Variants in IL12RB2 observed in about 807,000 individuals in gnomAD.
IL12RB2 encodes interleukin-12 receptor subunit beta-2.
In IL12RB2, 82 loss-of-function variants were observed where a neutral mutation model predicts 89.4. The observed-to-expected ratio is 0.92, with a 90% CI of 0.77 to 1.10. IL12RB2 has a LOEUF of 1.10. Among genes scored for constraint, IL12RB2 ranks in the 50% least tolerant of loss-of-function variants. The pLI, the probability that IL12RB2 is intolerant of heterozygous loss-of-function variation, is 0.00. For missense variants in IL12RB2, 963 were observed against 1,031.9 expected (o/e 0.93, Z 0.92); for synonymous variants, 368 against 370.1 (o/e 0.99, Z 0.07).
chr1:67,340,697 G>C (rs1469716649), intron 9 of IL12RB2, among the ~76,000 whole-genome samples: 1 of 152,222 alleles, frequency 6.6e-6, no homozygotes, highest in African/African-American at 2.4e-5. Context: ...AACAAACAGA[G>C]TTTATAGTGG....
intron 4 of IL12RB2, among the ~76,000 whole-genome samples, chr1:67,324,276 G>A (rs953293981): frequency 1.3e-5 from 2 of 152,218 alleles, no homozygotes; most frequent in Admixed American, 6.5e-5. Context: ...AAGCTGGAGT[G>A]CGGTGGCGCA....
At chr1:67,379,627 A>C (rs1664368130) in intron 13 of IL12RB2, among the ~76,000 whole-genome samples, 1 of 152,004 alleles carries the variant, frequency 6.6e-6, no homozygotes, top group African/African-American at 2.4e-5. Flanking sequence ...TCATCATTGG[A>C]AATAAAGGGA....
chr1:67,384,898 C>T (rs192286950), intron 14 of IL12RB2, among the ~76,000 whole-genome samples: 308 of 152,340 alleles, frequency 2.0e-3, no homozygotes, highest in African/African-American at 7.1e-3. Context: ...TGGTCAAAGT[C>T]ACTCGACAAG....
intron 16 of IL12RB2, among the ~76,000 whole-genome samples, chr1:67,392,142 C>T (rs1665901503): frequency 6.6e-6 from 1 of 152,072 alleles, no homozygotes; most frequent in Non-Finnish European, 1.5e-5. Flanking sequence ...CAGTCTACAC[C>T]TCTGAGCTGA....
intron 10 of IL12RB2, among the ~76,000 whole-genome samples, chr1:67,362,972 G>A (rs921692031): frequency 2.0e-5 from 3 of 150,936 alleles, no homozygotes; most frequent in South Asian, 2.1e-4. Flanking sequence ...GCATGATCTC[G>A]GCTCACTGCA....
chr1:67,331,703 G>A (rs17129800), intron 8 of IL12RB2, among the ~76,000 whole-genome samples: 7,271 of 152,120 alleles, frequency 0.048, 601 homozygotes, highest in African/African-American at 0.17. Flanking sequence ...GCCAAGCATC[G>A]TGGTGCGTGC....
At chr1:67,387,134 T>C (rs901483919) in intron 15 of IL12RB2, among the ~76,000 whole-genome samples, 6 of 151,092 alleles carry the variant, frequency 4.0e-5, no homozygotes, top group Non-Finnish European at 7.4e-5. Flanking sequence ...TTCATCATGT[T>C]GGCCAGACTG....
chr1:67,387,712 A>C (rs1387016845), intron 15 of IL12RB2, among the ~76,000 whole-genome samples: 1 of 151,672 alleles, frequency 6.6e-6, no homozygotes, highest in African/African-American at 2.4e-5. Context: ...AAAAAAAAAA[A>C]AAAAAGAAAG....
chr1:67,330,943 C>T, intron 8 of IL12RB2, 133 bp downstream of exon 8: 1 of 710,986 alleles, frequency 1.4e-6, no homozygotes, highest in Non-Finnish European at 2.5e-6. Flanking sequence ...CATTAGTTAA[C>T]AAGTTAATTT....
intron 10 of IL12RB2, among the ~76,000 whole-genome samples, chr1:67,367,431 AAAAG>A (rs946960060): frequency 4.9e-5 from 7 of 141,822 alleles, no homozygotes; most frequent in East Asian, 2.2e-4. Context: ...AAGAAAAAGA[AAAAG>A]AAAGAAGGAA....
At chr1:67,341,444 A>G (rs1249133221) in intron 9 of IL12RB2, among the ~76,000 whole-genome samples, 1 of 151,102 alleles carries the variant, frequency 6.6e-6, no homozygotes, top group African/African-American at 2.4e-5. Context: ...GGAAGGAAGG[A>G]TGGAAGAGAG....
chr1:67,323,058 A>G (rs1330586805), intron 4 of IL12RB2, among the ~76,000 whole-genome samples: 1 of 152,196 alleles, frequency 6.6e-6, no homozygotes, highest in Non-Finnish European at 1.5e-5. Flanking sequence ...CATAGACATC[A>G]TCTCTGTCAT....
intron 8 of IL12RB2, among the ~76,000 whole-genome samples, chr1:67,332,364 C>T (rs1366995230): frequency 1.3e-5 from 2 of 151,998 alleles, no homozygotes; most frequent in African/African-American, 4.8e-5. Context: ...TACATGCATG[C>T]GCCACCATGC....
At chr1:67,318,414 G>T (rs1656063203) in intron 2 of IL12RB2, among the ~76,000 whole-genome samples, 3 of 152,172 alleles carry the variant, frequency 2.0e-5, no homozygotes, top group African/African-American at 7.2e-5. Context: ...CTTAGAAAGG[G>T]CAAGGATGGT....
intron 2 of IL12RB2, among the ~76,000 whole-genome samples, chr1:67,317,125 G>A: frequency 6.6e-6 from 1 of 152,216 alleles, no homozygotes; most frequent in East Asian, 1.9e-4. Flanking sequence ...AGCATGAAGG[G>A]AAGACACAGA....
At chr1:67,352,146 GGTAA>G (rs1424674121) in intron 10 of IL12RB2, among the ~76,000 whole-genome samples, 1 of 152,052 alleles carries the variant, frequency 6.6e-6, no homozygotes, top group African/African-American at 2.4e-5. Context: ...AGAAAATACA[GGTAA>G]GTATTAATGT....
intron 4 of IL12RB2, among the ~76,000 whole-genome samples, chr1:67,325,453 G>T (rs1214619651): frequency 6.6e-6 from 1 of 152,182 alleles, no homozygotes; most frequent in Non-Finnish European, 1.5e-5. Flanking sequence ...GTAAAGAAGA[G>T]GTTTCACCAT....
intron 10 of IL12RB2, among the ~76,000 whole-genome samples, chr1:67,351,692 T>C (rs1408927780): frequency 6.6e-6 from 1 of 152,206 alleles, no homozygotes; most frequent in African/African-American, 2.4e-5. Flanking sequence ...AATGAAACTA[T>C]AGTAAAATTT....
intron 10 of IL12RB2, among the ~76,000 whole-genome samples, chr1:67,352,329 G>A (rs1016902698): frequency 2.6e-5 from 4 of 152,162 alleles, no homozygotes; most frequent in Non-Finnish European, 5.9e-5. Flanking sequence ...GCCTAGGGCT[G>A]GTGTGACAGC....
Sources: allele counts gnomAD v4.1 joint callset (sites outside exome capture counted in the v4.1 genomes callset), GRCh38; gene constraint gnomAD v4.1.1; transcripts MANE v1.5; gene names NCBI Gene and HGNC (gene_info 2026-07-23, HGNC 2026-07-21).